Variants in CFLAR observed in about 807,000 individuals in gnomAD.
CFLAR encodes CASP8 and FADD like apoptosis regulator, also known as CASP8 and FADD-like apoptosis regulator.
In CFLAR, 14 loss-of-function variants were observed where a neutral mutation model predicts 51.1. That is an observed-to-expected ratio of 0.27 (90% CI 0.18 to 0.43). The LOEUF (loss-of-function observed/expected upper bound fraction) is 0.43, where lower values mean the gene tolerates loss of function less well. Ranked by LOEUF, CFLAR falls within the 20% of genes least tolerant of loss-of-function variation. The pLI, the probability that CFLAR is intolerant of heterozygous loss-of-function variation, is 1.00. For synonymous variants in CFLAR, 210 were observed against 211.6 expected (o/e 0.99, Z 0.06); for missense variants, 390 against 566.5 (o/e 0.69, Z 3.16).
At chr2:201,163,501 G>A (rs1452658353) in intron 9 of CFLAR, 1 of 1,135,108 alleles carries the variant, frequency 8.8e-7, no homozygotes, top group East Asian at 5.7e-5. Flanking sequence ...GGTTAGAGCA[G>A]GAGCCACTCA....
rs1308420182 is a variant in CFLAR, at chr2:201,165,425, C to A, written c.*1452C>A. 1.3e-5 allele frequency: 2 copies of A among 151,842 alleles called. No homozygotes were observed. The highest frequency in any genetic ancestry group is 2.9e-5 in the Non-Finnish European group (2 of 68,030). The allele number at this position is 151,842 out of a possible 1,614,324, so 9.4% of individuals were successfully genotyped here. The stretch of plus-strand genomic sequence containing the variant: ...AGCTGGGATTACAGGCTCCTGCCAC[C>A]ACACCCGGCTAATTTTTGTATTTTT... On this transcript the variant is annotated 3_prime_UTR_variant, in exon 10 of 10. Transcript: ENST00000309955.
At chr2:201,146,120 C>T (rs750128674) in intron 6 of CFLAR, among the ~76,000 whole-genome samples, 17 of 151,924 alleles carry the variant, frequency 1.1e-4, no homozygotes, top group Non-Finnish European at 2.2e-4. Context: ...GCACGCACCA[C>T]CACACCCAGC....
chr2:201,130,349 CTTTCTTTTTTTTTTTTTTT>C (rs1227653502), intron 2 of CFLAR, among the ~76,000 whole-genome samples: 2 of 121,952 alleles, frequency 1.6e-5, no homozygotes, highest in Non-Finnish European at 3.4e-5. Context: ...CTTTTTCTTT[CTTTCTTTTTTTTTTTTTTT>C]TTTTTTTTTT....
intron 8 of CFLAR, among the ~76,000 whole-genome samples, chr2:201,159,398 C>T (rs960430445): frequency 2.6e-5 from 4 of 152,132 alleles, no homozygotes; most frequent in Non-Finnish European, 4.4e-5. Context: ...CAACCTCCAC[C>T]TCCTGGGTTC....
intron 3 of CFLAR, 62 bp downstream of exon 3, chr2:201,133,196 T>C: frequency 8.0e-7 from 1 of 1,243,580 alleles, no homozygotes; most frequent in East Asian, 2.4e-5. Context: ...GCTACTCTTG[T>C]TGATACAGAG....
intron 9 of CFLAR, among the ~76,000 whole-genome samples, chr2:201,161,876 A>G (rs1943075741): frequency 6.7e-6 from 1 of 149,272 alleles, no homozygotes; most frequent in African/African-American, 2.5e-5. Flanking sequence ...CTTCCCGAGT[A>G]GCTGGGATTA....
At chr2:201,152,114 G>A (rs1941378498) in intron 8 of CFLAR, among the ~76,000 whole-genome samples, 1 of 151,904 alleles carries the variant, frequency 6.6e-6, no homozygotes, top group African/African-American at 2.4e-5. Context: ...AGCCTCCCGA[G>A]TACATCCCTG....
At chr2:201,136,595 G>A in intron 4 of CFLAR, 1 of 1,442,608 alleles carries the variant, frequency 6.9e-7, no homozygotes, top group Non-Finnish European at 9.1e-7. Flanking sequence ...GATTCACATT[G>A]GCCTTCTGCT....
At chr2:201,148,182 TTTAAGCATATA>T in intron 6 of CFLAR, 1 of 152,336 alleles carries the variant, frequency 6.6e-6, no homozygotes, top group South Asian at 2.1e-4. Flanking sequence ...TTCTTTTATA[TTTAAGCATATA>T]TTAATACATG....
chr2:201,159,974 A>T (rs1481286960), intron 8 of CFLAR, among the ~76,000 whole-genome samples: 2 of 152,066 alleles, frequency 1.3e-5, no homozygotes, highest in Admixed American at 6.6e-5. Context: ...AGTTGGTGCT[A>T]GCTGTTGGCA....
At chr2:201,132,730 G>A (rs536589847) in intron 2 of CFLAR, 1 of 283,988 alleles carries the variant, frequency 3.5e-6, no homozygotes, top group African/African-American at 2.2e-5. Context: ...TGTAACCTCT[G>A]GGGGAGCTAG....
rs2125984498 is a variant in CFLAR, at chr2:201,169,587, A to G, written c.*5614A>G. On this transcript the variant is annotated 3_prime_UTR_variant, in exon 10 of 10. Coordinates refer to ENST00000309955, the MANE Select transcript of CFLAR (RefSeq NM_003879.7). ...AAAAACATCAAAAGCAATTGCAACAAAAGCAAAAATTACAAATGGGATCTA... is the reference window on the plus strand; with the variant it reads ...AAAAACATCAAAAGCAATTGCAACAGAAGCAAAAATTACAAATGGGATCTA... The G allele has an allele frequency of 6.6e-6, 1 of 152,336 alleles. No homozygotes were observed. The highest frequency in any genetic ancestry group is 2.1e-4 in the South Asian group (1 of 4,826). The allele number at this position is 152,336 out of a possible 1,614,324, so 9.4% of individuals were successfully genotyped here.
chr2:201,160,545 C>G lies in CFLAR; in HGVS notation c.907C>G (p.Arg303Gly). 3 of 1,613,966 alleles carry G rather than the reference C, an allele frequency of 1.9e-6. No homozygotes were observed. The highest frequency in any genetic ancestry group is 2.5e-6 in the Non-Finnish European group (3 of 1,180,012). ...LGQFACMPEH[R>G]DYDSFVCVLV... is the part of the protein sequence containing the mutation. ...CCAATTTGCCTGTATGCCCGAGCAC[C>G]GAGACTACGACAGCTTTGTGTGTGT... The change falls in exon 9 of 10, where the codon CGA becomes GGA. Residue 303 changes from arginine to glycine, a missense_variant. By Grantham distance (125) the Arg-to-Gly change is moderately radical. Transcript: ENST00000309955.
Position 201,137,564 on chromosome 2 carries a change from G to C in CFLAR, c.523+1457G>C, listed in dbSNP as rs1352162579. Reference sequence around the variant, plus strand: ...AGTGCAGGCCATGGATGCCACCGTCGATCTGGGCTGACATGGTCTGCTTCT... The same window carrying C: ...AGTGCAGGCCATGGATGCCACCGTCCATCTGGGCTGACATGGTCTGCTTCT... On this transcript the variant is annotated intron_variant, in intron 4 of 9. Transcript: ENST00000309955. The C allele has an allele frequency of 6.9e-6, 5 of 720,090 alleles. No homozygotes were observed. In the East Asian group the frequency reaches 1.3e-4, roughly 18 times the overall value. The allele number at this position is 720,090 out of a possible 1,614,324, so 44.6% of individuals were successfully genotyped here. A position where few individuals can be genotyped will look rare whatever the true frequency, so the allele number is the denominator to read the frequency against.
chr2:201,135,122 C>T (rs16836710), intron 3 of CFLAR, among the ~76,000 whole-genome samples: 36,031 of 152,130 alleles, frequency 0.24, 5,038 homozygotes, highest in African/African-American at 0.38. Flanking sequence ...CCAAGGTAAA[C>T]GAATAGCAGA....
intron 1 of CFLAR, among the ~76,000 whole-genome samples, chr2:201,122,038 C>T (rs2048236307): frequency 6.6e-6 from 1 of 152,224 alleles, no homozygotes; most frequent in South Asian, 2.1e-4. Context: ...CTTCTTCGTA[C>T]TACCTGAAGT....
In CFLAR at chr2:201,172,278, G is replaced by T. The variant is rs1355934367; in HGVS notation, c.*8305G>T. ...AATTTTAACTTTTATAAAATATTTTGATACATTCATGACCTTACTTTAGCA... is the reference window on the plus strand; with the variant it reads ...AATTTTAACTTTTATAAAATATTTTTATACATTCATGACCTTACTTTAGCA... On this transcript the variant is annotated 3_prime_UTR_variant, in exon 10 of 10. Coordinates refer to ENST00000309955, the MANE Select transcript of CFLAR (RefSeq NM_003879.7). 9 of 152,124 alleles carry T rather than the reference G, an allele frequency of 5.9e-5. No individual in the cohort carries two copies. The highest frequency in any genetic ancestry group is 1.3e-4 in the Non-Finnish European group (9 of 68,034). The allele number at this position is 152,124 out of a possible 1,614,324, so 9.4% of individuals were successfully genotyped here.
intron 3 of CFLAR, among the ~76,000 whole-genome samples, chr2:201,134,178 T>C (rs2049756979): frequency 6.6e-6 from 1 of 151,450 alleles, no homozygotes; most frequent in South Asian, 2.1e-4. Flanking sequence ...GGCGTGGTGG[T>C]AGGCACCTAT....
intron 1 of CFLAR, among the ~76,000 whole-genome samples, chr2:201,125,928 G>A (rs1488047570): frequency 6.6e-6 from 1 of 152,078 alleles, no homozygotes; most frequent in African/African-American, 2.4e-5. Context: ...TGGGACTGAG[G>A]GGTTTCCTGG....
Sources: allele counts gnomAD v4.1 joint callset (sites outside exome capture counted in the v4.1 genomes callset), GRCh38; gene constraint gnomAD v4.1.1; transcripts MANE v1.5; gene names NCBI Gene and HGNC (gene_info 2026-07-23, HGNC 2026-07-21).